ASH2L: variants seen among roughly 807,000 people sequenced by gnomAD.
The protein encoded by ASH2L is set1/Ash2 histone methyltransferase complex subunit ASH2.
ASH2L carries 30 observed loss-of-function variants against 81.1 expected under a neutral mutation model. The observed-to-expected ratio is 0.37, with a 90% CI of 0.28 to 0.50. The LOEUF (loss-of-function observed/expected upper bound fraction) is 0.50. Among genes scored for constraint, ASH2L ranks in the 20% least tolerant of loss-of-function variants. The pLI is 0.95. For missense variants in ASH2L, 559 were observed against 792.1 expected (o/e 0.71, Z 3.53); for synonymous variants, 273 against 279.9 (o/e 0.98, Z 0.24).
intron 14 of ASH2L, among the ~76,000 whole-genome samples, chr8:38,136,217 G>A (rs1802250965): frequency 6.7e-6 from 1 of 148,996 alleles, no homozygotes; most frequent in Non-Finnish European, 1.5e-5. Context: ...CTCCTGAGTA[G>A]GTGGGGTGTG....
At chr8:38,127,819 G>A (rs1043576429) in intron 10 of ASH2L, among the ~76,000 whole-genome samples, 5 of 150,900 alleles carry the variant, frequency 3.3e-5, no homozygotes, top group Admixed American at 6.6e-5. Flanking sequence ...AGACCAAGGC[G>A]GGCAGATCAC....
chr8:38,131,152 A>T (rs1486474435), intron 12 of ASH2L, among the ~76,000 whole-genome samples: 2 of 152,162 alleles, frequency 1.3e-5, no homozygotes, highest in Non-Finnish European at 2.9e-5. Context: ...GTTTATTCTG[A>T]TAATAAGCAG....
chr8:38,106,977 A>G (rs1324591730), intron 2 of ASH2L, 44 bp from the exon 3 acceptor site: 1 of 1,609,892 alleles, frequency 6.2e-7, no homozygotes, highest in Admixed American at 1.7e-5. Context: ...AAAGTAAAAT[A>G]CATTCAAGTC....
At chr8:38,137,389 C>CA (rs71216651) in intron 14 of ASH2L, 107,230 of 124,180 alleles carry the variant, frequency 0.86, 46,308 homozygotes, top group Non-Finnish European at 0.92. Flanking sequence ...TCTAAAAATA[C>CA]AAAAAAAAAA....
chr8:38,133,403 A>T, intron 12 of ASH2L, 51 bp from the exon 13 acceptor site: 1 of 1,333,828 alleles, frequency 7.5e-7, no homozygotes. Context: ...TTTTTTCATG[A>T]TGATGGAGCT....
In ASH2L at chr8:38,138,810, C is replaced by G; in HGVS notation, c.1720-6C>G. On this transcript the variant is annotated splice_region_variant and splice_polypyrimidine_tract_variant and intron_variant, in intron 14 of 15. Transcript: ENST00000343823. ...TCCATGTCTGCTTGAATTGAATTCGCTCCAGGTTTCCATTAACTTTGGACC... is the reference window on the plus strand; with the variant it reads ...TCCATGTCTGCTTGAATTGAATTCGGTCCAGGTTTCCATTAACTTTGGACC... The G allele has an allele frequency of 6.2e-7, 1 of 1,613,472 alleles. No homozygotes were observed. The highest frequency in any genetic ancestry group is 8.5e-7 in the Non-Finnish European group (1 of 1,179,762).
intron 1 of ASH2L, chr8:38,106,008 C>T (rs1417716001): frequency 2.6e-6 from 4 of 1,530,632 alleles, no homozygotes; most frequent in Admixed American, 3.9e-5. Flanking sequence ...CACACTTTAA[C>T]GGGAGGCCTT....
chr8:38,137,049 C>T (rs1802283171), intron 14 of ASH2L, among the ~76,000 whole-genome samples: 1 of 150,696 alleles, frequency 6.6e-6, no homozygotes, highest in East Asian at 2.0e-4. Context: ...GCCAAGATTA[C>T]ACCACTGCCC....
intron 12 of ASH2L, 151 bp from the exon 13 acceptor site, chr8:38,133,302 AT>A: frequency 1.6e-6 from 1 of 631,792 alleles, no homozygotes; most frequent in Non-Finnish European, 2.8e-6. Context: ...GAAGTGTGTA[AT>A]AGTTCAAAAT....
chr8:38,134,676 C>G (rs941716391), intron 13 of ASH2L, among the ~76,000 whole-genome samples: 2 of 152,110 alleles, frequency 1.3e-5, no homozygotes, highest in East Asian at 3.9e-4. Flanking sequence ...CATAAAAATG[C>G]TAATGCTGTG....
intron 8 of ASH2L, among the ~76,000 whole-genome samples, chr8:38,118,357 C>T (rs1021251610): frequency 8.5e-5 from 13 of 152,114 alleles, no homozygotes; most frequent in Non-Finnish European, 1.6e-4. Flanking sequence ...GGGACATTTC[C>T]TGGAAGAGGG....
chr8:38,110,070 T>C (rs922694707), intron 3 of ASH2L, among the ~76,000 whole-genome samples: 8 of 152,318 alleles, frequency 5.3e-5, no homozygotes, highest in East Asian at 3.9e-4. Context: ...TACCTGTCAC[T>C]GAGGGGAATG....
chr8:38,119,808 CAAAACAA>C (rs1291445162), intron 9 of ASH2L, among the ~76,000 whole-genome samples: 1 of 150,730 alleles, frequency 6.6e-6, no homozygotes, highest in Non-Finnish European at 1.5e-5. Flanking sequence ...GTCTCAAAAA[CAAAACAA>C]AAAACAAAAA....
chr8:38,110,565 G>C, intron 4 of ASH2L, 98 bp downstream of exon 4: 1 of 1,291,048 alleles, frequency 7.7e-7, no homozygotes, highest in East Asian at 2.3e-5. Context: ...CTAGTAGCTG[G>C]TATAAATTCA....
intron 7 of ASH2L, among the ~76,000 whole-genome samples, chr8:38,116,221 C>G (rs1175120267): frequency 6.6e-6 from 1 of 152,128 alleles, no homozygotes; most frequent in Non-Finnish European, 1.5e-5. Flanking sequence ...AAAACTTTAG[C>G]TGGGTATGGC....
chr8:38,106,212 T>A, intron 1 of ASH2L, 166 bp from the exon 2 acceptor site: 1 of 1,436,012 alleles, frequency 7.0e-7, no homozygotes, highest in Non-Finnish European at 9.6e-7. Flanking sequence ...CATGTCCACC[T>A]TCTCAGTATC....
rs548475730 is a variant in ASH2L, at chr8:38,134,485, G to A, written c.1620+939G>A. 3.3e-5 allele frequency among the ~76,000 whole-genome samples: 5 copies of A among 152,242 alleles called. No homozygotes were observed. In the East Asian group the frequency reaches 5.8e-4, roughly 18 times the overall value. ...GCCCAGGGGCACTAGGAGCTGTAAC[G>A]TCTCACTCAGTGTCCTTCAGAACTT... On this transcript the variant is annotated intron_variant, in intron 13 of 15. Transcript: ENST00000343823.
In ASH2L at chr8:38,139,114, T is replaced by C. The variant is rs1334449054; in HGVS notation, c.*43T>C. On this transcript the variant is annotated 3_prime_UTR_variant, in exon 16 of 16. Coordinates refer to ENST00000343823, the MANE Select transcript of ASH2L (RefSeq NM_004674.5). ...GTCAAGGACTTTCTGGGAATAATAC[T>C]GGGGGTTTTGTTTTTGTTTTTGAAC... 2.8e-6 allele frequency: 4 copies of C among 1,425,516 alleles called. No homozygotes were observed. The highest frequency in any genetic ancestry group is 2.6e-5 in the South Asian group (2 of 76,482). The allele number at this position is 1,425,516 out of a possible 1,614,324, so 88.3% of individuals were successfully genotyped here. A position where few individuals can be genotyped will look rare whatever the true frequency, so the allele number is the denominator to read the frequency against.
intron 3 of ASH2L, among the ~76,000 whole-genome samples, chr8:38,107,870 G>GTC (rs1260141917): frequency 9.7e-6 from 1 of 103,608 alleles, no homozygotes; most frequent in African/African-American, 5.5e-5. Context: ...ATACATATAT[G>GTC]TGTGTGTGTG....
Sources: allele counts gnomAD v4.1 joint callset (sites outside exome capture counted in the v4.1 genomes callset), GRCh38; gene constraint gnomAD v4.1.1; transcripts MANE v1.5; gene names NCBI Gene and HGNC (gene_info 2026-07-23, HGNC 2026-07-21).